Variants in VWDE observed in about 807,000 individuals in gnomAD.
VWDE encodes von Willebrand factor D and EGF domains, also known as von Willebrand factor D and EGF domain-containing protein.
A neutral mutation model predicts 178.4 loss-of-function variants in VWDE; 207 were observed. The observed-to-expected ratio is 1.16, with a 90% CI of 1.04 to 1.30. The LOEUF is 1.30. Among genes scored for constraint, VWDE ranks in the 50% most tolerant of loss-of-function variants. The probability of loss-of-function intolerance (pLI) is 0.00; values close to 1 mark genes in which losing one functional copy is unlikely to be tolerated. For synonymous variants in VWDE, 738 were observed against 651.4 expected, an observed-to-expected ratio of 1.13 and a Z score of -2.02; for missense variants, 2,287 against 1,901.3, an observed-to-expected ratio of 1.20 and a Z score of -3.77.
intron 19 of VWDE, among the ~76,000 whole-genome samples, chr7:12,350,065 A>C (rs1469670295): frequency 6.6e-6 from 1 of 152,058 alleles, no homozygotes; most frequent in Non-Finnish European, 1.5e-5. Flanking sequence ...CAAATAATTA[A>C]GGAAAGGGTA....
chr7:12,394,521 C>T (rs1297948360), intron 1 of VWDE, among the ~76,000 whole-genome samples: 5 of 152,044 alleles, frequency 3.3e-5, no homozygotes, highest in African/African-American at 7.2e-5. Flanking sequence ...CCACAGAGGC[C>T]GAACAAAAAG....
rs956944083 is a variant in VWDE, at chr7:12,384,645, A to G, written c.476-1044T>C. On this transcript the variant is annotated intron_variant, in intron 3 of 28. Transcript: ENST00000275358. ...ATCTATAATAATAGTGAAACACACT[A>G]TAATCTCCAGAAATGTATACAACAG... 6.6e-5 allele frequency among the ~76,000 whole-genome samples: 10 copies of G among 152,214 alleles called. No homozygotes were observed. The East Asian group carries it at 1.9e-3, about 29-fold the overall frequency.
In VWDE at chr7:12,393,614, T is replaced by A. The variant is rs547573256; in HGVS notation, c.223A>T (p.Met75Leu). The stretch of plus-strand genomic sequence containing the variant: ...CATACCTCAACACATTTGGTTGGCA[T>A]CTCGGCAGGTCTGTCAAGGATGAGA... ...RFLILDRPAE[M>L]PTKCVEMNHC... Residue 75 changes from methionine to leucine, a missense_variant, in exon 2 of 29, where the codon ATG (methionine) becomes TTG (leucine). By Grantham distance (15) the Met-to-Leu change is conservative (BLOSUM62 2). Coordinates refer to ENST00000275358, the MANE Select transcript of VWDE (RefSeq NM_001135924.3). The A allele has an allele frequency of 6.5e-7, 1 of 1,549,186 alleles. No individual in the cohort carries two copies. Among genetic ancestry groups the A allele is most frequent in the Non-Finnish European group, 8.7e-7 (1 of 1,145,750 alleles).
At chr7:12,363,306 G>A (rs1269673658) in intron 13 of VWDE, among the ~76,000 whole-genome samples, 34 of 152,036 alleles carry the variant, frequency 2.2e-4, no homozygotes, top group Non-Finnish European at 2.9e-5. Flanking sequence ...AGGGAATAGT[G>A]TATGAAAAAG....
In VWDE at chr7:12,356,169, A is replaced by C; in HGVS notation, c.3687T>G (p.Leu1229=). The C allele has an allele frequency of 6.4e-7, 1 of 1,551,586 alleles. No individual in the cohort carries two copies. Among genetic ancestry groups the C allele is most frequent in the Non-Finnish European group, 8.7e-7 (1 of 1,146,972 alleles). The part of the protein sequence containing the change: ...ISGCQSNPCG[L]GSYISGFHSY... ...TGTGAAAACCACTAATATAGCTGCC[A>C]AGACCACAAGGGTTGGATTGGCACC... The change falls in exon 18 of 29, where the codon CTT becomes CTG. Residue 1229 remains leucine (L), a synonymous_variant. Coordinates refer to ENST00000275358, the MANE Select transcript of VWDE (RefSeq NM_001135924.3).
chr7:12,371,542 C>T (rs1021229742), intron 10 of VWDE, among the ~76,000 whole-genome samples: 1 of 152,128 alleles, frequency 6.6e-6, no homozygotes, highest in Non-Finnish European at 1.5e-5. Flanking sequence ...ACTGTGTTTG[C>T]TCTTCTGGTT....
intron 2 of VWDE, among the ~76,000 whole-genome samples, chr7:12,390,938 C>T (rs538631055): frequency 9.2e-5 from 14 of 152,166 alleles, no homozygotes; most frequent in South Asian, 2.1e-4. Flanking sequence ...CATGTACATT[C>T]GTCAATTGCA....
Position 12,375,198 on chromosome 7 carries a change from G to C in VWDE, c.1054C>G (p.Leu352Val). 6.4e-7 allele frequency: 1 copy of C among 1,551,012 alleles called. No homozygotes were observed. Residue 352 changes from leucine (L) to valine (V), a missense_variant, in exon 8 of 29, where the codon CTG becomes GTG. Physicochemically the swap from Leu to Val is conservative, Grantham distance 32. Transcript: ENST00000275358. ...AGAAGGTCCACATGACAGGAAGACAGTGCCAAATTTAAGCCTAGGTGCTCT... is the reference window on the plus strand; with the variant it reads ...AGAAGGTCCACATGACAGGAAGACACTGCCAAATTTAAGCCTAGGTGCTCT... ...GREHLGLNLA[L>V]SSCHVDLLQT...
At chr7:12,389,448 C>T (rs960913996) in intron 2 of VWDE, 90 bp from the exon 3 acceptor site, 23 of 910,446 alleles carry the variant, frequency 2.5e-5, no homozygotes, top group Non-Finnish European at 3.5e-5. Flanking sequence ...CTAATCAAGC[C>T]TTAAAATATC....
At chr7:12,356,398 A>G (rs373817909) in intron 17 of VWDE, 68 bp from the exon 18 acceptor site, 2 of 1,301,088 alleles carry the variant, frequency 1.5e-6, no homozygotes, top group Non-Finnish European at 1.1e-6. Flanking sequence ...TGCCCCAGAA[A>G]TCATGACAGT....
intron 27 of VWDE, among the ~76,000 whole-genome samples, chr7:12,335,106 G>T (rs955606462): frequency 4.0e-5 from 6 of 151,806 alleles, no homozygotes; most frequent in Admixed American, 3.9e-4. Flanking sequence ...TGAAATGGAG[G>T]GTACATTATT....
chr7:12,353,559 C>T (rs1336402735), intron 18 of VWDE, among the ~76,000 whole-genome samples: 3 of 152,132 alleles, frequency 2.0e-5, no homozygotes, highest in Non-Finnish European at 4.4e-5. Context: ...AATCAACTTG[C>T]TTCTTTATTA....
At chr7:12,374,970 T>A in intron 8 of VWDE, 40 bp downstream of exon 8, 1 of 1,515,686 alleles carries the variant, frequency 6.6e-7, no homozygotes, top group Non-Finnish European at 8.9e-7. Context: ...CATTTCTTCT[T>A]AAAGCTTCAC....
chr7:12,382,048 T>C (rs1049691587), intron 4 of VWDE, among the ~76,000 whole-genome samples: 1 of 151,810 alleles, frequency 6.6e-6, no homozygotes, highest in African/African-American at 2.4e-5. Flanking sequence ...TTAGTATTCC[T>C]TTGTCAATTG....
intron 24 of VWDE, among the ~76,000 whole-genome samples, chr7:12,339,282 T>C (rs1217901158): frequency 6.6e-6 from 1 of 152,180 alleles, no homozygotes; most frequent in Non-Finnish European, 1.5e-5. Flanking sequence ...AGAGAACTTT[T>C]CTTACTTCAT....
intron 19 of VWDE, among the ~76,000 whole-genome samples, chr7:12,349,779 C>A (rs1781831335): frequency 6.6e-6 from 1 of 151,730 alleles, no homozygotes; most frequent in African/African-American, 2.4e-5. Flanking sequence ...TAGGAAAAAT[C>A]AAAAACCATA....
intron 15 of VWDE, 121 bp from the exon 16 acceptor site, chr7:12,359,813 A>G (rs1047715279): frequency 1.7e-6 from 1 of 575,848 alleles, no homozygotes; most frequent in Non-Finnish European, 3.1e-6. Flanking sequence ...ATCTATTTTG[A>G]TACTTCATAA....
chr7:12,385,732 C>T (rs563098950), intron 3 of VWDE, among the ~76,000 whole-genome samples: 19 of 152,266 alleles, frequency 1.2e-4, no homozygotes, highest in Non-Finnish European at 2.5e-4. Context: ...AAACGGTATT[C>T]CAAGGCAAGC....
chr7:12,361,089 C>T, intron 15 of VWDE, 58 bp downstream of exon 15: 1 of 1,089,926 alleles, frequency 9.2e-7, no homozygotes, highest in Non-Finnish European at 1.3e-6. Context: ...GTGCCCACAG[C>T]ATAGGAAATG....
Sources: allele counts gnomAD v4.1 joint callset (sites outside exome capture counted in the v4.1 genomes callset), GRCh38; gene constraint gnomAD v4.1.1; transcripts MANE v1.5; gene names NCBI Gene and HGNC (gene_info 2026-07-23, HGNC 2026-07-21).